The following TTLL2 variants were observed in gnomAD, a reference collection of about 807,000 sequenced individuals.
TTLL2 encodes probable tubulin polyglutamylase TTLL2.
In TTLL2, 10 loss-of-function variants were observed where a neutral mutation model predicts 7.5. That is an observed-to-expected ratio of 1.33 (90% CI 0.82 to 2.25). The LOEUF (loss-of-function observed/expected upper bound fraction) is 2.25, where lower values mean the gene tolerates loss of function less well. Among genes scored for constraint, TTLL2 ranks in the 30% most tolerant of loss-of-function variants. The pLI, the probability that TTLL2 is intolerant of heterozygous loss-of-function variation, is 0.00. For synonymous variants in TTLL2, 284 were observed against 280.3 expected, an observed-to-expected ratio of 1.01 and a Z score of -0.13; for missense variants, 733 against 735.7, an observed-to-expected ratio of 1.00 and a Z score of 0.04.
At chr6:167,332,091 A>G (rs1289101945) in intron 1 of TTLL2, among the ~76,000 whole-genome samples, 2 of 152,066 alleles carry the variant, frequency 1.3e-5, no homozygotes, top group African/African-American at 4.8e-5. Context: ...CTAAGAAGGA[A>G]CTCTTCACGA....
At chr6:167,337,839 C>T (rs916738360) in intron 1 of TTLL2, among the ~76,000 whole-genome samples, 2 of 150,734 alleles carry the variant, frequency 1.3e-5, no homozygotes, top group Non-Finnish European at 3.0e-5. Flanking sequence ...AACACACAGA[C>T]ATGCAACGCA....
chr6:167,333,618 G>A (rs1253965729), intron 1 of TTLL2, among the ~76,000 whole-genome samples: 11 of 82,880 alleles, frequency 1.3e-4, no homozygotes, highest in African/African-American at 6.2e-4. Context: ...CACAATTTCA[G>A]CTCCTGTTAT....
rs1274220694 is a variant in TTLL2, at chr6:167,341,639, T to C, written c.1739T>C (p.Ile580Thr). The change falls in exon 3 of 3, where the codon ATC becomes ACC. Residue 580 changes from isoleucine to threonine, a missense_variant. Ile to Thr is a moderately conservative substitution (Grantham distance 89). Transcript: ENST00000239587. ...AATGGATTAAATGTCAAAAGAATAA[T>C]CCAAGAGCTCCAGAAACTAATGAAT... ...SRNGLNVKRI[I>T]QELQKLMNKQ... 1 of 1,612,940 alleles carries C rather than the reference T, an allele frequency of 6.2e-7. No individual in the cohort carries two copies. Among genetic ancestry groups the C allele is most frequent in the East Asian group, 2.2e-5 (1 of 44,870 alleles).
chr6:167,329,741 C>A (rs1165341338), intron 1 of TTLL2, among the ~76,000 whole-genome samples: 1 of 152,124 alleles, frequency 6.6e-6, no homozygotes, highest in Non-Finnish European at 1.5e-5. Context: ...AGGACCCAGC[C>A]TCTGCAATCA....
chr6:167,331,881 C>T (rs1198966049), intron 1 of TTLL2, among the ~76,000 whole-genome samples: 6 of 152,162 alleles, frequency 3.9e-5, no homozygotes, highest in East Asian at 1.9e-4. Context: ...TTTACTTTTA[C>T]GTCTGTAAAT....
Position 167,338,643 on chromosome 6 carries a change from A to C in TTLL2, c.48-4A>C, listed in dbSNP as rs776925499. 6.2e-7 allele frequency: 1 copy of C among 1,611,820 alleles called. No individual in the cohort carries two copies. Among genetic ancestry groups the C allele is most frequent in the South Asian group, 1.1e-5 (1 of 90,766 alleles). On this transcript the variant is annotated splice_polypyrimidine_tract_variant and splice_region_variant and intron_variant, in intron 1 of 2. Transcript: ENST00000239587. ...GTTCATTGTTGATGCTGCTTTGTTC[A>C]CAGATCTTTGAGAACCACCACCCCA...
chr6:167,331,630 A>G (rs953220005), intron 1 of TTLL2, among the ~76,000 whole-genome samples: 3 of 152,224 alleles, frequency 2.0e-5, no homozygotes, highest in South Asian at 2.1e-4. Flanking sequence ...AGTGAAGTAA[A>G]TATGGCCAGA....
intron 1 of TTLL2, among the ~76,000 whole-genome samples, chr6:167,330,835 C>G (rs903036418): frequency 6.6e-6 from 1 of 152,146 alleles, no homozygotes; most frequent in Non-Finnish European, 1.5e-5. Flanking sequence ...TGAGGGAGAG[C>G]GTTTGGGGTG....
intron 1 of TTLL2, among the ~76,000 whole-genome samples, chr6:167,332,378 G>C (rs1778930293): frequency 6.6e-6 from 1 of 152,176 alleles, no homozygotes; most frequent in Non-Finnish European, 1.5e-5. Context: ...ACAGCTCACT[G>C]TGTATGAAGG....
chr6:167,342,264 G>A lies in TTLL2; in HGVS notation c.*585G>A, dbSNP rs759546513. Among the ~76,000 whole-genome samples, 1 of 152,162 alleles carries A rather than the reference G, an allele frequency of 6.6e-6. No homozygotes were observed. Among genetic ancestry groups the A allele is most frequent in the Non-Finnish European group, 1.5e-5 (1 of 68,028 alleles). ...ATCTTTGGGCTGTATTTAAATAGTG[G>A]CCCCTTGGCCTTGTCACCATTTGTT... On this transcript the variant is annotated 3_prime_UTR_variant, in exon 3 of 3. Coordinates refer to ENST00000239587, the MANE Select transcript of TTLL2 (RefSeq NM_031949.5).
intron 1 of TTLL2, among the ~76,000 whole-genome samples, chr6:167,327,820 A>C (rs997747361): frequency 3.3e-5 from 5 of 152,208 alleles, no homozygotes; most frequent in Admixed American, 6.5e-5. Flanking sequence ...TTTTATATAA[A>C]AATGTACACT....
chr6:167,336,533 C>T (rs1342463479), intron 1 of TTLL2, among the ~76,000 whole-genome samples: 2 of 151,724 alleles, frequency 1.3e-5, no homozygotes, highest in African/African-American at 2.4e-5. Flanking sequence ...ATTGCTCATC[C>T]CCATCCTCCT....
chr6:167,328,501 T>A (rs1429108168), intron 1 of TTLL2: 1 of 202,566 alleles, frequency 4.9e-6, no homozygotes, highest in Non-Finnish European at 1.0e-5. Flanking sequence ...TGACTGGTGT[T>A]CTAGCCCTTG....
intron 1 of TTLL2, among the ~76,000 whole-genome samples, chr6:167,327,306 T>C (rs148825695): frequency 6.6e-6 from 1 of 152,190 alleles, no homozygotes; most frequent in Non-Finnish European, 1.5e-5. Flanking sequence ...AGATGAGTTA[T>C]CATCTTACAT....
At chr6:167,339,303 C>A (rs745849965) in intron 2 of TTLL2, among the ~76,000 whole-genome samples, 2 of 152,074 alleles carry the variant, frequency 1.3e-5, no homozygotes, top group Non-Finnish European at 1.5e-5. Flanking sequence ...GAGTCTTTGA[C>A]GTTTTTTACC....
chr6:167,342,240 T>C lies in TTLL2; in HGVS notation c.*561T>C, dbSNP rs970496956. Among the ~76,000 whole-genome samples the C allele has an allele frequency of 5.9e-5, 9 of 152,238 alleles. No individual in the cohort carries two copies. Among genetic ancestry groups the C allele is most frequent in the Non-Finnish European group, 1.0e-4 (7 of 68,044 alleles). ...CACCAAAGAGCTCCCTGTGGGGGCA[T>C]CTTTGGGCTGTATTTAAATAGTGGC... On this transcript the variant is annotated 3_prime_UTR_variant, in exon 3 of 3. Coordinates refer to ENST00000239587, the MANE Select transcript of TTLL2 (RefSeq NM_031949.5).
At chr6:167,325,857 T>C (rs771008617) in intron 1 of TTLL2, among the ~76,000 whole-genome samples, 38 of 152,008 alleles carry the variant, frequency 2.5e-4, no homozygotes, top group Non-Finnish European at 1.3e-4. Flanking sequence ...ACTCAGGGGC[T>C]CTAGGGGCAT....
At chr6:167,338,143 C>G (rs531862870) in intron 1 of TTLL2, among the ~76,000 whole-genome samples, 1 of 151,632 alleles carries the variant, frequency 6.6e-6, no homozygotes, top group African/African-American at 2.4e-5. Context: ...ACACAATACA[C>G]AATACACACA....
At position 167,341,605 on chromosome 6, in the gene TTLL2, G is replaced by A; in HGVS notation, c.1705G>A (p.Ala569Thr). The change falls in exon 3 of 3, where the codon GCT (alanine) becomes ACT (threonine). Residue 569 changes from alanine (A) to threonine (T), a missense_variant. Ala to Thr is a moderately conservative substitution (Grantham distance 58, BLOSUM62 0). Coordinates refer to ENST00000239587, the MANE Select transcript of TTLL2 (RefSeq NM_031949.5). The part of the protein sequence containing the change: ...VFPFNEATLG[A>T]SRNGLNVKRI... The stretch of plus-strand genomic sequence containing the variant: ...TCCTTTCAATGAAGCAACTCTCGGA[G>A]CTTCCAGGAATGGATTAAATGTCAA... 2 of 1,614,202 alleles carry A rather than the reference G, an allele frequency of 1.2e-6. No homozygotes were observed. Among genetic ancestry groups the A allele is most frequent in the Non-Finnish European group, 1.7e-6 (2 of 1,180,042 alleles).
Sources: gnomAD v4.1 joint callset for allele counts (sites outside exome capture counted in the v4.1 genomes callset) on GRCh38, gnomAD v4.1.1 for gene constraint, MANE v1.5 for transcripts, NCBI Gene and HGNC (gene_info 2026-07-23, HGNC 2026-07-21) for gene names.